PRAG1: variants seen among roughly 807,000 people sequenced by gnomAD.
The protein encoded by PRAG1 is PEAK1 related, kinase-activating pseudokinase 1, also known as inactive tyrosine-protein kinase PRAG1.
Under a neutral mutation model 95.6 loss-of-function variants are expected in PRAG1, and 110 were observed. The ratio of observed to expected loss-of-function variants is 1.15; its 90% CI spans 0.99 to 1.35. The LOEUF (loss-of-function observed/expected upper bound fraction) is 1.35. PRAG1 is among the 40% of genes most tolerant of loss of function. PRAG1 has a pLI of 0.00. For synonymous variants in PRAG1, 1,052 were observed against 819.4 expected (o/e 1.28, Z -4.85); for missense variants, 2,554 against 1,864.7 (o/e 1.37, Z -6.81).
At chr8:8,342,186 T>C (rs1274635793) in intron 3 of PRAG1, among the ~76,000 whole-genome samples, 1 of 151,538 alleles carries the variant, frequency 6.6e-6, no homozygotes. Context: ...TTTTCAATTA[T>C]CTCATGTAAT....
chr8:8,322,666 T>G (rs1798511208), intron 5 of PRAG1, among the ~76,000 whole-genome samples: 1 of 152,192 alleles, frequency 6.6e-6, no homozygotes, highest in Non-Finnish European at 1.5e-5. Flanking sequence ...ATTTACAATG[T>G]GTTCTCACTC....
chr8:8,384,627 A>C (rs1348859493), intron 1 of PRAG1, among the ~76,000 whole-genome samples: 1 of 151,866 alleles, frequency 6.6e-6, no homozygotes, highest in Non-Finnish European at 1.5e-5. Context: ...AAAAAAAAAA[A>C]AAAAACCTCT....
chr8:8,325,161 G>C (rs1401542764), intron 5 of PRAG1, among the ~76,000 whole-genome samples: 1 of 152,192 alleles, frequency 6.6e-6, no homozygotes, highest in African/African-American at 2.4e-5. Flanking sequence ...ACTGTATTTC[G>C]TCTAGACTGG....
chr8:8,360,270 C>T (rs533535901), intron 3 of PRAG1, among the ~76,000 whole-genome samples: 3 of 152,192 alleles, frequency 2.0e-5, no homozygotes, highest in African/African-American at 2.4e-5. Context: ...TAACATCTGT[C>T]TTGCCCTCCC....
chr8:8,345,239 C>T (rs1799297821), intron 3 of PRAG1, among the ~76,000 whole-genome samples: 1 of 151,686 alleles, frequency 6.6e-6, no homozygotes, highest in South Asian at 2.1e-4. Flanking sequence ...GTCGCTAAAA[C>T]CCAACAGGTG....
In PRAG1 at chr8:8,319,079, G is replaced by C. The variant is rs746053717; in HGVS notation, c.3296C>G (p.Thr1099Ser). The change falls in exon 6 of 6, where the codon ACC (threonine) becomes AGC (serine). Residue 1099 changes from threonine to serine, a missense_variant. Transcript: ENST00000615670. ...CGAGTCCCGCACGAAGTCGGAGGCG[G>C]TCTGATGTGGCACCTCTCGGGTGAT... The part of the protein sequence containing the change: ...VVITREVPHQ[T>S]ASDFVRDSAA... 2 of 1,611,170 alleles carry C rather than the reference G, an allele frequency of 1.2e-6. No individual in the cohort carries two copies. The highest frequency in any genetic ancestry group is 1.7e-6 in the Non-Finnish European group (2 of 1,179,746).
Position 8,371,061 on chromosome 8 carries a change from G to A in PRAG1, c.2162+5186C>T, listed in dbSNP as rs60389394. Among the ~76,000 whole-genome samples the A allele has an allele frequency of 4.4e-3, 657 of 150,292 alleles. 5 individuals are homozygous for A. Among genetic ancestry groups the A allele is most frequent in the African/African-American group, 0.016 (636 of 40,880 alleles). The stretch of plus-strand genomic sequence containing the variant: ...TGAGGCAGGAAAATCGCTTGAACCC[G>A]GGAGGCGGAGGTTGCAGTAAGGCAA... On this transcript the variant is annotated intron_variant, in intron 3 of 5. Coordinates refer to ENST00000615670, the MANE Select transcript of PRAG1 (RefSeq NM_001080826.3).
At position 8,318,198 on chromosome 8, in the gene PRAG1, G is replaced by A. The variant is rs1202574688; in HGVS notation, c.4177C>T (p.Pro1393Ser). The change falls in exon 6 of 6, where the codon CCC (proline) becomes TCC (serine). Residue 1393 changes from proline to serine, a missense_variant. Transcript: ENST00000615670. The surrounding 1 kb of genome is among the most constrained non-coding windows in gnomAD (Gnocchi z 4.2). ...TTCAGCGACTGTAAGAGGGCCCCGG[G>A]CTCCGCAGACGCCAGGTACTGGCAG... ...LCCQYLASAE[P>S]GALLQSLKLL... 3 of 1,613,966 alleles carry A rather than the reference G, an allele frequency of 1.9e-6. No individual in the cohort carries two copies. The highest frequency in any genetic ancestry group is 2.5e-6 in the Non-Finnish European group (3 of 1,180,022).
chr8:8,372,720 A>C (rs139039155), intron 3 of PRAG1, among the ~76,000 whole-genome samples: 1 of 152,230 alleles, frequency 6.6e-6, no homozygotes, highest in East Asian at 1.9e-4. Context: ...TCTCAAAAAG[A>C]CAGATAAGCT....
At chr8:8,343,188 G>A (rs367766423) in intron 3 of PRAG1, among the ~76,000 whole-genome samples, 1 of 151,992 alleles carries the variant, frequency 6.6e-6, no homozygotes, top group East Asian at 1.9e-4. Context: ...AATAAAACAA[G>A]ATTTCATTTC....
Position 8,318,810 on chromosome 8 carries a change from C to T in PRAG1, c.3565G>A (p.Gly1189Ser), listed in dbSNP as rs1408109524. The T allele has an allele frequency of 3.5e-6, 5 of 1,448,654 alleles. No individual in the cohort carries two copies. In the African/African-American group the frequency reaches 7.4e-5, roughly 21 times the overall value. The allele number at this position is 1,448,654 out of a possible 1,614,324, so 89.7% of individuals were successfully genotyped here. A position where few individuals can be genotyped will look rare whatever the true frequency, so the allele number is the denominator to read the frequency against. ...CCGGCTGCGGGGCTGAGAGTGCCAC[C>T]AGCAGGCGGGGCGGCAGAGGAGCAG... ...PPCSSAAPPA[G>S]GTLSPAAGPA... The change falls in exon 6 of 6, where the codon GGT (glycine) becomes AGT (serine). Residue 1189 changes from glycine (G) to serine (S), a missense_variant. Transcript: ENST00000615670. The surrounding 1 kb of genome is among the most constrained non-coding windows in gnomAD (Gnocchi z 4.2).
In PRAG1 at chr8:8,377,555, G is replaced by A; in HGVS notation, c.854C>T (p.Ser285Leu). The part of the protein sequence containing the change: ...SRGRHGGRDC[S>L]PTCWEQGKCS... ...CTTCCCCTGCTCCCAGCACGTGGGT[G>A]AGCAGTCCCTGCCACCATGCCTGCC... Residue 285 changes from serine (S) to leucine (L), a missense_variant, in exon 3 of 6, where the codon TCA becomes TTA. By Grantham distance (145) the Ser-to-Leu change is moderately radical (BLOSUM62 -2). Transcript: ENST00000615670. The A allele has an allele frequency of 6.2e-7, 1 of 1,605,934 alleles. No homozygotes were observed. The highest frequency in any genetic ancestry group is 1.1e-5 in the South Asian group (1 of 90,052).
intron 5 of PRAG1, 126 bp downstream of exon 5, chr8:8,327,584 G>C: frequency 9.1e-7 from 1 of 1,099,976 alleles, no homozygotes; most frequent in East Asian, 2.6e-5. Context: ...AGAAAAAAAA[G>C]AATGCTTAGG....
chr8:8,349,100 G>C (rs561426316), intron 3 of PRAG1, among the ~76,000 whole-genome samples: 4 of 152,072 alleles, frequency 2.6e-5, no homozygotes, highest in East Asian at 1.9e-4. Context: ...CTACTAGGTT[G>C]GTGCAAAAGT....
chr8:8,324,104 A>G (rs1798556063), intron 5 of PRAG1, among the ~76,000 whole-genome samples: 1 of 152,172 alleles, frequency 6.6e-6, no homozygotes, highest in Non-Finnish European at 1.5e-5. Flanking sequence ...CACAATGGGG[A>G]AGGTTGCTAT....
intron 3 of PRAG1, among the ~76,000 whole-genome samples, chr8:8,344,879 G>A (rs1295078381): frequency 6.6e-6 from 1 of 152,196 alleles, no homozygotes; most frequent in East Asian, 1.9e-4. Context: ...GAGCACCCCT[G>A]TGGCTGGAAA....
At position 8,386,390 on chromosome 8, in the gene PRAG1, C is replaced by G. The variant is rs555077419; in HGVS notation, c.-157G>C. The stretch of plus-strand genomic sequence containing the variant: ...CCAGCCGCCCGGCCGGAGCATTGTT[C>G]GCAGAAGGTCTGCGCGCGGTGCGTG... On this transcript the variant is annotated 5_prime_UTR_variant, in exon 1 of 6. Coordinates refer to ENST00000615670, the MANE Select transcript of PRAG1 (RefSeq NM_001080826.3). The G allele has an allele frequency of 6.6e-6, 1 of 152,334 alleles. No homozygotes were observed. Among genetic ancestry groups the G allele is most frequent in the African/African-American group, 2.4e-5 (1 of 41,576 alleles). 9.4% of individuals were successfully genotyped at this position (152,334 alleles called of 1,614,324 possible).
intron 5 of PRAG1, among the ~76,000 whole-genome samples, 178 bp downstream of exon 5, chr8:8,327,532 T>C (rs1234811843): frequency 1.3e-5 from 2 of 152,132 alleles, no homozygotes; most frequent in South Asian, 2.1e-4. Flanking sequence ...ATTGTGCCAC[T>C]GCACTCCAGC....
chr8:8,375,235 ACT>A (rs1800346744), intron 3 of PRAG1, among the ~76,000 whole-genome samples: 1 of 150,170 alleles, frequency 6.7e-6, no homozygotes, highest in Non-Finnish European at 1.5e-5. Context: ...AGACAGTCTC[ACT>A]CTGTCGCCCA....
Sources: gnomAD v4.1 joint callset for allele counts (sites outside exome capture counted in the v4.1 genomes callset) on GRCh38, gnomAD v4.1.1 for gene constraint, Gnocchi (gnomAD v3.1) non-coding constraint, MANE v1.5 for transcripts, NCBI Gene and HGNC (gene_info 2026-07-23, HGNC 2026-07-21) for gene names.